Variants in CDH13 observed in about 807,000 individuals in gnomAD.
CDH13 encodes cadherin-13.
Under a neutral mutation model 63.8 loss-of-function variants are expected in CDH13, and 24 were observed. That is an observed-to-expected ratio of 0.38 (90% CI 0.27 to 0.53). CDH13 has a LOEUF of 0.53. Among genes scored for constraint, CDH13 ranks in the 20% least tolerant of loss-of-function variants. CDH13 has a pLI of 0.85. For synonymous variants in CDH13, 503 were observed against 355.3 expected, an observed-to-expected ratio of 1.42 and a Z score of -4.67; for missense variants, 1,049 against 903.1, an observed-to-expected ratio of 1.16 and a Z score of -2.07.
At chr16:83,761,492 T>C (rs372489638) in intron 11 of CDH13, among the ~76,000 whole-genome samples, 1 of 152,250 alleles carries the variant, frequency 6.6e-6, no homozygotes, top group East Asian at 1.9e-4. Flanking sequence ...TGGAAGAAGA[T>C]TTATGGACAG....
chr16:83,278,549 C>T (rs145709248), intron 5 of CDH13, among the ~76,000 whole-genome samples: 27 of 152,234 alleles, frequency 1.8e-4, no homozygotes, highest in African/African-American at 2.4e-4. Flanking sequence ...TCACTAAACA[C>T]GGTAATGGGA....
chr16:83,300,836 G>T (rs991718672), intron 5 of CDH13, among the ~76,000 whole-genome samples: 1 of 152,114 alleles, frequency 6.6e-6, no homozygotes, highest in African/African-American at 2.4e-5. Context: ...TGTATGTGAT[G>T]TTTTTAGAAC....
chr16:83,441,337 C>T (rs992716140), intron 6 of CDH13, among the ~76,000 whole-genome samples: 2 of 152,150 alleles, frequency 1.3e-5, no homozygotes, highest in Non-Finnish European at 2.9e-5. Flanking sequence ...TTGGGAAAAA[C>T]ACAATACATT....
In CDH13 at chr16:83,168,532, G is replaced by A. The variant is rs1281873957; in HGVS notation, c.483+43031G>A. Reference sequence around the variant, plus strand: ...CTTTACCTAACTTCTCCAAAATGCCGACTCCAGTATTCCATTTTCAAATTA... The same window carrying A: ...CTTTACCTAACTTCTCCAAAATGCCAACTCCAGTATTCCATTTTCAAATTA... On this transcript the variant is annotated intron_variant, in intron 4 of 13. Coordinates refer to ENST00000567109, the MANE Select transcript of CDH13 (RefSeq NM_001257.5). Among the ~76,000 whole-genome samples, 4 of 151,866 alleles carry A rather than the reference G, an allele frequency of 2.6e-5. No individual in the cohort carries two copies. The East Asian group carries it at 7.7e-4, about 29-fold the overall frequency.
chr16:83,265,607 C>A (rs1476210097), intron 5 of CDH13, among the ~76,000 whole-genome samples: 1 of 151,010 alleles, frequency 6.6e-6, no homozygotes, highest in African/African-American at 2.4e-5. Flanking sequence ...TCTCAATGTT[C>A]ATTTTTATAG....
chr16:83,584,591 C>T (rs569464193), intron 7 of CDH13, among the ~76,000 whole-genome samples: 11 of 152,244 alleles, frequency 7.2e-5, no homozygotes, highest in Middle Eastern at 3.4e-3. Flanking sequence ...AAGGGAACAG[C>T]ATCTGTGAAG....
intron 10 of CDH13, among the ~76,000 whole-genome samples, chr16:83,724,876 G>C (rs2150942706): frequency 6.6e-6 from 1 of 152,230 alleles, no homozygotes; most frequent in Middle Eastern, 3.4e-3. Context: ...ACTCTATATG[G>C]CTTCCCAGCC....
chr16:83,690,884 G>A (rs1904789867), intron 10 of CDH13, among the ~76,000 whole-genome samples: 1 of 152,030 alleles, frequency 6.6e-6, no homozygotes, highest in South Asian at 2.1e-4. Context: ...ACCACACCCA[G>A]CTAATTTTTG....
At chr16:82,813,674 C>G (rs544565961) in intron 1 of CDH13, among the ~76,000 whole-genome samples, 41 of 152,238 alleles carry the variant, frequency 2.7e-4, no homozygotes, top group African/African-American at 9.6e-4. Flanking sequence ...CTCTCTATTA[C>G]CTTCTAGAGC....
intron 1 of CDH13, among the ~76,000 whole-genome samples, chr16:82,705,691 A>G (rs1051010201): frequency 6.6e-6 from 1 of 152,148 alleles, no homozygotes; most frequent in African/African-American, 2.4e-5. Context: ...AAGTTTTGAA[A>G]TTTTAGAGAC....
At chr16:83,158,074 T>G (rs2037288634) in intron 4 of CDH13, among the ~76,000 whole-genome samples, 2 of 152,058 alleles carry the variant, frequency 1.3e-5, no homozygotes, top group Admixed American at 1.3e-4. Context: ...GGTCAAACCT[T>G]TAGAAAGTGG....
At chr16:82,999,487 C>A (rs72794141) in intron 2 of CDH13, among the ~76,000 whole-genome samples, 15,563 of 152,012 alleles carry the variant, frequency 0.1, 884 homozygotes, top group African/African-American at 0.16. Flanking sequence ...AAAATAAATT[C>A]TTGATGATAC....
At chr16:83,709,188 A>G (rs577468155) in intron 10 of CDH13, among the ~76,000 whole-genome samples, 4 of 152,208 alleles carry the variant, frequency 2.6e-5, no homozygotes, top group South Asian at 4.1e-4. Flanking sequence ...TGGAAAGAGC[A>G]AAGAAACAAA....
At position 82,819,679 on chromosome 16, in the gene CDH13, A is replaced by C. The variant is rs1347431331; in HGVS notation, c.46-38683A>C. Among the ~76,000 whole-genome samples, 4 of 152,206 alleles carry C rather than the reference A, an allele frequency of 2.6e-5. No homozygotes were observed. The South Asian group carries it at 6.2e-4, about 24-fold the overall frequency. ...ACTGGGCAGGGACTGGAGAGCACTC[A>C]AGGGAAGGGAGGCAAGTCCGTCCTT... On this transcript the variant is annotated intron_variant, in intron 1 of 13. Coordinates refer to ENST00000567109, the MANE Select transcript of CDH13 (RefSeq NM_001257.5).
chr16:83,588,284 G>A (rs1041470572), intron 7 of CDH13, among the ~76,000 whole-genome samples: 3 of 152,184 alleles, frequency 2.0e-5, no homozygotes, highest in Non-Finnish European at 4.4e-5. Flanking sequence ...GTCTAACATT[G>A]CCCATGCCTG....
chr16:83,075,467 C>G (rs945760130), intron 3 of CDH13, among the ~76,000 whole-genome samples: 4 of 152,134 alleles, frequency 2.6e-5, no homozygotes, highest in Admixed American at 2.6e-4. Context: ...TGTTCTTGAC[C>G]TAGAATGGCC....
chr16:83,003,958 C>G (rs1009905714), intron 2 of CDH13, among the ~76,000 whole-genome samples: 1 of 152,152 alleles, frequency 6.6e-6, no homozygotes, highest in Non-Finnish European at 1.5e-5. Flanking sequence ...AAATACTGTA[C>G]TTCCTTATCG....
chr16:83,068,540 C>G (rs1005187087), intron 3 of CDH13, among the ~76,000 whole-genome samples: 6 of 152,122 alleles, frequency 3.9e-5, no homozygotes, highest in Admixed American at 1.3e-4. Flanking sequence ...TTTGTTGTAA[C>G]CAGCCTCTTT....
At chr16:83,517,967 A>T (rs1431147313) in intron 7 of CDH13, among the ~76,000 whole-genome samples, 3 of 152,100 alleles carry the variant, frequency 2.0e-5, no homozygotes, top group African/African-American at 7.2e-5. Context: ...TGATGAAGTG[A>T]CTAACCCCAG....
Sources: allele counts gnomAD v4.1 joint callset (sites outside exome capture counted in the v4.1 genomes callset), GRCh38; gene constraint gnomAD v4.1.1; transcripts MANE v1.5; gene names NCBI Gene and HGNC (gene_info 2026-07-23, HGNC 2026-07-21).